The following CNTNAP2 variants were observed in gnomAD, a reference collection of about 807,000 sequenced individuals.
CNTNAP2 encodes contactin associated protein 2.
A neutral mutation model predicts 155.2 loss-of-function variants in CNTNAP2; 98 were observed. The ratio of observed to expected loss-of-function variants is 0.63; its 90% CI spans 0.54 to 0.75. CNTNAP2 has a LOEUF of 0.75. Among genes scored for constraint, CNTNAP2 ranks in the 30% least tolerant of loss-of-function variants. The pLI is 0.00. For synonymous variants in CNTNAP2, 651 were observed against 631.2 expected (o/e 1.03, Z -0.47); for missense variants, 1,727 against 1,688.1 (o/e 1.02, Z -0.40).
At chr7:146,843,843 C>G (rs914241105) in intron 3 of CNTNAP2, among the ~76,000 whole-genome samples, 4 of 151,982 alleles carry the variant, frequency 2.6e-5, no homozygotes, top group African/African-American at 9.7e-5. Flanking sequence ...GAAGAGAATT[C>G]TGATATAGAG....
chr7:147,388,009 A>T (rs1214997859), intron 9 of CNTNAP2, among the ~76,000 whole-genome samples: 1 of 151,872 alleles, frequency 6.6e-6, no homozygotes, highest in East Asian at 1.9e-4. Context: ...CTATTGGAGG[A>T]GCTTTCTATT....
chr7:146,703,566 A>G (rs1279455282), intron 1 of CNTNAP2, among the ~76,000 whole-genome samples: 1 of 152,104 alleles, frequency 6.6e-6, no homozygotes, highest in African/African-American at 2.4e-5. Flanking sequence ...CGTGTTTCTC[A>G]TGGTTCTGGA....
intron 18 of CNTNAP2, among the ~76,000 whole-genome samples, chr7:148,216,084 A>T (rs1296286991): frequency 6.6e-6 from 1 of 152,224 alleles, no homozygotes; most frequent in African/African-American, 2.4e-5. Flanking sequence ...AGAAACCGTG[A>T]AGACCACAGG....
At chr7:146,291,674 G>A (rs1481197079) in intron 1 of CNTNAP2, among the ~76,000 whole-genome samples, 1 of 152,046 alleles carries the variant, frequency 6.6e-6, no homozygotes, top group Admixed American at 6.6e-5. Flanking sequence ...AGAAAGAATA[G>A]ATTTAAAAAA....
chr7:147,166,523 C>T (rs1457141885), intron 8 of CNTNAP2, among the ~76,000 whole-genome samples: 1 of 152,088 alleles, frequency 6.6e-6, no homozygotes, highest in Admixed American at 6.6e-5. Flanking sequence ...ACCAGCTGTT[C>T]CCCAAAAACC....
intron 1 of CNTNAP2, among the ~76,000 whole-genome samples, chr7:146,383,964 T>A (rs1795425939): frequency 6.6e-6 from 1 of 152,176 alleles, no homozygotes; most frequent in Admixed American, 6.5e-5. Flanking sequence ...GGAAAAATCT[T>A]ACCCTCAACC....
At chr7:147,673,073 A>G (rs1031631003) in intron 13 of CNTNAP2, 2 of 152,176 alleles carry the variant, frequency 1.3e-5, no homozygotes, top group Admixed American at 6.5e-5. Context: ...GAAGATTCCT[A>G]TTCCAGACTA....
At chr7:146,697,775 A>T (rs1800807155) in intron 1 of CNTNAP2, among the ~76,000 whole-genome samples, 2 of 152,088 alleles carry the variant, frequency 1.3e-5, no homozygotes, top group Admixed American at 1.3e-4. Flanking sequence ...CAGATCATTC[A>T]CATTTAAAGT....
chr7:147,029,932 C>G (rs1165943784), intron 3 of CNTNAP2, among the ~76,000 whole-genome samples: 1 of 152,164 alleles, frequency 6.6e-6, no homozygotes, highest in Non-Finnish European at 1.5e-5. Flanking sequence ...CTTGGTTCCA[C>G]ATTCAGAAAA....
At chr7:148,310,117 GAGA>G (rs1313620396) in intron 21 of CNTNAP2, among the ~76,000 whole-genome samples, 2 of 152,256 alleles carry the variant, frequency 1.3e-5, no homozygotes, top group Non-Finnish European at 2.9e-5. Context: ...TACGGAATAA[GAGA>G]AGGAGAAAAA....
At chr7:148,021,330 C>T (rs1025859206) in intron 15 of CNTNAP2, among the ~76,000 whole-genome samples, 2 of 152,126 alleles carry the variant, frequency 1.3e-5, no homozygotes, top group East Asian at 3.9e-4. Flanking sequence ...CCAAAAGAGG[C>T]TTATGGTTTA....
intron 1 of CNTNAP2, among the ~76,000 whole-genome samples, chr7:146,159,872 G>C (rs907611873): frequency 6.6e-6 from 1 of 152,130 alleles, no homozygotes; most frequent in African/African-American, 2.4e-5. Context: ...ATTGAACTCA[G>C]CTCTGCACCA....
At chr7:146,906,397 T>C (rs1166005111) in intron 3 of CNTNAP2, among the ~76,000 whole-genome samples, 1 of 152,062 alleles carries the variant, frequency 6.6e-6, no homozygotes, top group Non-Finnish European at 1.5e-5. Context: ...GACTTAAATG[T>C]CCCTGTCTGA....
chr7:148,286,502 A>T (rs1483352844), intron 21 of CNTNAP2, among the ~76,000 whole-genome samples: 1 of 152,234 alleles, frequency 6.6e-6, no homozygotes, highest in Non-Finnish European at 1.5e-5. Context: ...TAAATCATAA[A>T]TTAATTTTGT....
intron 13 of CNTNAP2, among the ~76,000 whole-genome samples, chr7:147,688,114 C>A (rs1796039248): frequency 6.6e-6 from 1 of 152,094 alleles, no homozygotes; most frequent in South Asian, 2.1e-4. Flanking sequence ...GCTACTTTTT[C>A]TATTCCTCTC....
intron 3 of CNTNAP2, among the ~76,000 whole-genome samples, chr7:146,985,358 C>T (rs1798096980): frequency 7.0e-6 from 1 of 142,310 alleles, no homozygotes. Flanking sequence ...TGCTCTGTCT[C>T]CCAGGCTGAA....
intron 12 of CNTNAP2, among the ~76,000 whole-genome samples, chr7:147,563,139 T>C (rs1800097470): frequency 6.6e-6 from 1 of 152,200 alleles, no homozygotes; most frequent in Non-Finnish European, 1.5e-5. Context: ...TTGGGCACTT[T>C]AGTAACTTTG....
At chr7:147,841,705 A>C (rs1304612467) in intron 13 of CNTNAP2, among the ~76,000 whole-genome samples, 1 of 152,226 alleles carries the variant, frequency 6.6e-6, no homozygotes, top group Non-Finnish European at 1.5e-5. Context: ...GAATAATTCA[A>C]ATTAAAGCAA....
chr7:148,305,560 G>T (rs1162967179), intron 21 of CNTNAP2, among the ~76,000 whole-genome samples: 1 of 152,200 alleles, frequency 6.6e-6, no homozygotes, highest in Non-Finnish European at 1.5e-5. Flanking sequence ...TCGCAGTTCT[G>T]CAGGGTTAAC....
Sources: gnomAD v4.1 joint callset for allele counts (sites outside exome capture counted in the v4.1 genomes callset) on GRCh38, gnomAD v4.1.1 for gene constraint, MANE v1.5 for transcripts, NCBI Gene and HGNC (gene_info 2026-07-23, HGNC 2026-07-21) for gene names.